CHD1: variants seen among roughly 807,000 people sequenced by gnomAD.
CHD1 encodes the protein chromodomain helicase DNA binding protein 1, also known as ATP-dependent chromatin remodeler CHD1.
Under a neutral mutation model 224.2 loss-of-function variants are expected in CHD1, and 36 were observed. That is an observed-to-expected ratio of 0.16 (90% confidence interval 0.12 to 0.21). The LOEUF is 0.21. Ranked by LOEUF, CHD1 falls within the 10% of genes least tolerant of loss-of-function variation. The pLI is 1.00. For missense variants in CHD1, 1,378 were observed against 1,994.8 expected, an observed-to-expected ratio of 0.69 and a Z score of 5.89; for synonymous variants, 668 against 658.3, an observed-to-expected ratio of 1.01 and a Z score of -0.23.
chr5:98,888,980 A>G, intron 16 of CHD1, 96 bp downstream of exon 16: 1 of 729,086 alleles, frequency 1.4e-6, no homozygotes, highest in Non-Finnish European at 2.1e-6. Context: ...GAGAACTTTT[A>G]TCCAATAAGT....
chr5:98,918,414 A>C (rs2112630785), intron 2 of CHD1, among the ~76,000 whole-genome samples: 1 of 151,934 alleles, frequency 6.6e-6, no homozygotes. Flanking sequence ...GCTAGATGTC[A>C]AATACATTCT....
chr5:98,896,041 A>G (rs543881466), intron 12 of CHD1, among the ~76,000 whole-genome samples, 185 bp downstream of exon 12: 1 of 152,174 alleles, frequency 6.6e-6, no homozygotes, highest in South Asian at 2.1e-4. Flanking sequence ...TGTCTCCACT[A>G]AAAAATATAA....
chr5:98,872,464 T>G lies in CHD1; in HGVS notation c.3663A>C (p.Leu1221Phe). The G allele has an allele frequency of 6.2e-7, 1 of 1,613,536 alleles. No individual in the cohort carries two copies. Among genetic ancestry groups the G allele is most frequent in the South Asian group, 1.1e-5 (1 of 91,076 alleles). ...AKLVISHEEELIPLHKSIPSD... is the reference protein window; with the variant it reads ...AKLVISHEEEFIPLHKSIPSD... Reference sequence around the variant, plus strand: ...AAGGAATGGATTTGTGCAAAGGTATTAATTCTTCTTCATGGGAGATGACTA... The same window carrying G: ...AAGGAATGGATTTGTGCAAAGGTATGAATTCTTCTTCATGGGAGATGACTA... Residue 1221 changes from leucine to phenylalanine, a missense_variant, in exon 27 of 36, where the codon TTA becomes TTC. Coordinates refer to ENST00000614616, the MANE Select transcript of CHD1 (RefSeq NM_001270.4).
intron 2 of CHD1, among the ~76,000 whole-genome samples, chr5:98,922,691 T>C (rs1228548408): frequency 5.9e-5 from 9 of 152,186 alleles, no homozygotes; most frequent in African/African-American, 1.9e-4. Flanking sequence ...ATATTTCTAA[T>C]CTAATTATAT....
At chr5:98,920,715 T>C (rs1753035075) in intron 2 of CHD1, among the ~76,000 whole-genome samples, 1 of 151,662 alleles carries the variant, frequency 6.6e-6, no homozygotes, top group Admixed American at 6.6e-5. Context: ...GAGAATCGTT[T>C]GAACCCAGGA....
rs1440459622 is a variant in CHD1, at chr5:98,913,668, G to T, written c.54-8570C>A. ...TGTACACTGGTTAGATGAGCCTCAG[G>T]TTTCTGCCACATAGAACTAATTATT... is the stretch of plus-strand genomic sequence containing the variant. On this transcript the variant is annotated intron_variant, in intron 2 of 35. Coordinates refer to ENST00000614616, the MANE Select transcript of CHD1 (RefSeq NM_001270.4). Among the ~76,000 whole-genome samples the T allele has an allele frequency of 3.3e-5, 5 of 152,024 alleles. No homozygotes were observed. The East Asian group carries it at 9.6e-4, about 29-fold the overall frequency.
intron 2 of CHD1, among the ~76,000 whole-genome samples, chr5:98,917,309 A>AAAAAAAAAAAAC (rs1270734869): frequency 2.0e-5 from 3 of 151,300 alleles, no homozygotes; most frequent in African/African-American, 4.9e-5. Flanking sequence ...CAAAAAAAAA[A>AAAAAAAAAAAAC]AACAACCTCT....
chr5:98,920,543 T>C (rs1753022720), intron 2 of CHD1, among the ~76,000 whole-genome samples: 1 of 152,162 alleles, frequency 6.6e-6, no homozygotes, highest in African/African-American at 2.4e-5. Flanking sequence ...ACACCTGTAA[T>C]CCCAACACTC....
intron 4 of CHD1, 25 bp from the exon 5 acceptor site, chr5:98,902,989 A>G: frequency 7.3e-7 from 1 of 1,371,786 alleles, no homozygotes; most frequent in Non-Finnish European, 1.0e-6. Context: ...TAAAGTCAGT[A>G]TCATCCACTA....
chr5:98,892,984 C>A (rs1751113966), intron 14 of CHD1, among the ~76,000 whole-genome samples: 1 of 151,868 alleles, frequency 6.6e-6, no homozygotes, highest in Non-Finnish European at 1.5e-5. Flanking sequence ...AAATATTTCT[C>A]AAAAAAATAT....
At chr5:98,903,110 A>C (rs1751829897) in intron 4 of CHD1, 146 bp from the exon 5 acceptor site, 1 of 504,304 alleles carries the variant, frequency 2.0e-6, no homozygotes, top group Admixed American at 3.8e-5. Context: ...ATTTATGTTA[A>C]CTAGCTGAAA....
chr5:98,912,969 GT>G (rs1301830170), intron 2 of CHD1, among the ~76,000 whole-genome samples: 1 of 152,076 alleles, frequency 6.6e-6, no homozygotes, highest in Non-Finnish European at 1.5e-5. Flanking sequence ...TTAGATTCCA[GT>G]TGGGGGTGCT....
rs1747876867 is a variant in CHD1 at position 98,854,334 on chromosome 5, T to G, written c.*2046A>C. On this transcript the variant is annotated 3_prime_UTR_variant, in exon 36 of 36. Coordinates refer to ENST00000614616, the MANE Select transcript of CHD1 (RefSeq NM_001270.4). Reference sequence around the variant, plus strand: ...CTTATCTCAGAAAATGCAACATTGTTCTGTGAAATTTGCACAATATAATGC... The same window carrying G: ...CTTATCTCAGAAAATGCAACATTGTGCTGTGAAATTTGCACAATATAATGC... 1 of 146,410 alleles carries G rather than the reference T, an allele frequency of 6.8e-6. No homozygotes were observed. Among genetic ancestry groups the G allele is most frequent in the African/African-American group, 2.7e-5 (1 of 37,502 alleles). 9.1% of individuals were successfully genotyped at this position (146,410 alleles called of 1,614,324 possible). A position where few individuals can be genotyped will look rare whatever the true frequency, so the allele number is the denominator to read the frequency against.
At chr5:98,899,394 T>C in intron 8 of CHD1, 86 bp downstream of exon 8, 3 of 848,018 alleles carry the variant, frequency 3.5e-6, no homozygotes, top group Non-Finnish European at 3.7e-6. Flanking sequence ...GGCTATCATT[T>C]AATGTTACTA....
chr5:98,892,566 A>G lies in CHD1; in HGVS notation c.2139T>C (p.Ile713=). 4 of 1,613,870 alleles carry G rather than the reference A, an allele frequency of 2.5e-6. No homozygotes were observed. Among genetic ancestry groups the G allele is most frequent in the African/African-American group, 1.3e-5 (1 of 75,008 alleles). The change falls in exon 15 of 36, where the codon ATT becomes ATC. Residue 713 remains isoleucine (I), a synonymous_variant. Coordinates refer to ENST00000614616, the MANE Select transcript of CHD1 (RefSeq NM_001270.4). ...GTAAAGCACTCATTTCCATTCTTAA[A>G]ATCTGCTCAACCTTGGCAGGAAGAG... is the stretch of plus-strand genomic sequence containing the variant. ...EKSLPAKVEQ[I]LRMEMSALQK...
intron 2 of CHD1, among the ~76,000 whole-genome samples, chr5:98,909,677 A>G (rs1455273503): frequency 6.6e-6 from 1 of 152,214 alleles, no homozygotes; most frequent in East Asian, 1.9e-4. Context: ...TAGTTCATGA[A>G]GAAAAGGGGT....
At position 98,892,602 on chromosome 5, in the gene CHD1, A is replaced by G. The variant is rs1180763414; in HGVS notation, c.2103T>C (p.Asp701=). The G allele has an allele frequency of 6.2e-7, 1 of 1,613,754 alleles. No individual in the cohort carries two copies. Among genetic ancestry groups the G allele is most frequent in the African/African-American group, 1.3e-5 (1 of 74,906 alleles). ...EPFLLRRVKK[D]VEKSLPAKVE... is the part of the protein sequence containing the mutation. ...CCTTGGCAGGAAGAGATTTTTCCACATCTTTCTTAACTCGGCGTAACAGAA... is the reference window on the plus strand; with the variant it reads ...CCTTGGCAGGAAGAGATTTTTCCACGTCTTTCTTAACTCGGCGTAACAGAA... Residue 701 remains aspartate (D), a synonymous_variant, in exon 15 of 36, where the codon GAT becomes GAC. Coordinates refer to ENST00000614616, the MANE Select transcript of CHD1 (RefSeq NM_001270.4).
chr5:98,891,113 AC>A (rs1313145718), intron 15 of CHD1, among the ~76,000 whole-genome samples: 1 of 152,130 alleles, frequency 6.6e-6, no homozygotes, highest in Non-Finnish European at 1.5e-5. Context: ...TCACTCTGTC[AC>A]CCAGGCTGGA....
In CHD1 at chr5:98,927,512, T is replaced by C. The variant is rs138130238; in HGVS notation, c.-148-978A>G. On this transcript the variant is annotated intron_variant, in intron 1 of 35. Transcript: ENST00000614616. ...AAACAGATTGTTACCAACTCAATGA[T>C]AGCAAAGTCTGCATCTGGATCAGGA... Among the ~76,000 whole-genome samples, 433 of 152,330 alleles carry C rather than the reference T, an allele frequency of 2.8e-3. 3 individuals carry two copies. Among genetic ancestry groups the C allele is most frequent in the Non-Finnish European group, 4.7e-3 (323 of 68,014 alleles).
Sources: allele counts gnomAD v4.1 joint callset (sites outside exome capture counted in the v4.1 genomes callset), GRCh38; gene constraint gnomAD v4.1.1; transcripts MANE v1.5; gene names NCBI Gene and HGNC (gene_info 2026-07-23, HGNC 2026-07-21).